The following EDIL3 variants were observed in gnomAD, a reference collection of about 807,000 sequenced individuals.
EDIL3 encodes the protein EGF-like repeat and discoidin I-like domain-containing protein 3.
In EDIL3, 37 loss-of-function variants were observed where a neutral mutation model predicts 67.4. The ratio of observed to expected loss-of-function variants is 0.55; its 90% CI spans 0.42 to 0.72. EDIL3 has a LOEUF of 0.72. EDIL3 is among the 30% of genes least tolerant of loss of function. EDIL3 has a pLI of 0.00. For missense variants in EDIL3, 527 were observed against 586.3 expected, an observed-to-expected ratio of 0.90 and a Z score of 1.04; for synonymous variants, 195 against 196.3, an observed-to-expected ratio of 0.99 and a Z score of 0.05.
intron 4 of EDIL3, among the ~76,000 whole-genome samples, chr5:84,164,872 C>T (rs553243320): frequency 1.3e-5 from 2 of 152,136 alleles, no homozygotes; most frequent in South Asian, 2.1e-4. Flanking sequence ...AGGGACTTTC[C>T]TGCCTGAGGA....
intron 3 of EDIL3, among the ~76,000 whole-genome samples, chr5:84,191,728 A>T (rs114334900): frequency 0.011 from 1,685 of 151,560 alleles, 27 homozygotes; most frequent in African/African-American, 0.033. Context: ...TATTTTTTTT[A>T]AAAAAAAGGA....
chr5:84,247,369 T>C (rs1225213749), intron 2 of EDIL3, among the ~76,000 whole-genome samples: 2 of 152,154 alleles, frequency 1.3e-5, no homozygotes, highest in Non-Finnish European at 2.9e-5. Context: ...CTTTCTGATA[T>C]TTCATGAACA....
At chr5:84,182,858 T>C (rs1289115015) in intron 3 of EDIL3, among the ~76,000 whole-genome samples, 1 of 152,160 alleles carries the variant, frequency 6.6e-6, no homozygotes, top group Non-Finnish European at 1.5e-5. Flanking sequence ...TATATTTATT[T>C]AAGTAGACAG....
Position 84,018,879 on chromosome 5 carries a change from A to C in EDIL3, c.1137+41421T>G, listed in dbSNP as rs372527635. Reference sequence around the variant, plus strand: ...CACACCAGTTAGAATGGCGATCATTAAAAAGTCAGGAAACAACAGGTGCTG... The same window carrying C: ...CACACCAGTTAGAATGGCGATCATTCAAAAGTCAGGAAACAACAGGTGCTG... On this transcript the variant is annotated intron_variant, in intron 9 of 10. Transcript: ENST00000296591. 2.1e-3 allele frequency among the ~76,000 whole-genome samples: 326 copies of C among 152,274 alleles called. 1 individual carries two copies. The highest frequency in any genetic ancestry group is 7.5e-3 in the African/African-American group (313 of 41,566).
At chr5:84,237,608 G>C (rs986695115) in intron 2 of EDIL3, among the ~76,000 whole-genome samples, 4 of 152,020 alleles carry the variant, frequency 2.6e-5, no homozygotes, top group African/African-American at 9.7e-5. Flanking sequence ...TGAATAATCA[G>C]ATTTCATTTG....
chr5:84,257,009 CA>C (rs988526524), intron 1 of EDIL3, among the ~76,000 whole-genome samples: 3 of 152,172 alleles, frequency 2.0e-5, no homozygotes, highest in African/African-American at 7.2e-5. Context: ...CTCATATTTA[CA>C]TATTTACCTA....
At chr5:84,177,722 T>G (rs1457172433) in intron 4 of EDIL3, among the ~76,000 whole-genome samples, 1 of 152,112 alleles carries the variant, frequency 6.6e-6, no homozygotes, top group East Asian at 1.9e-4. Flanking sequence ...AACCTAAAAC[T>G]GCTGTAAAAA....
chr5:84,083,252 T>C (rs1455601392), intron 6 of EDIL3, among the ~76,000 whole-genome samples: 2 of 152,158 alleles, frequency 1.3e-5, no homozygotes, highest in African/African-American at 2.4e-5. Context: ...GATTTGGGAC[T>C]GGACTTACTG....
intron 4 of EDIL3, among the ~76,000 whole-genome samples, chr5:84,173,526 G>A (rs556934740): frequency 2.6e-5 from 4 of 152,170 alleles, no homozygotes; most frequent in South Asian, 2.1e-4. Flanking sequence ...AATATGGGAC[G>A]ACCCCACTGT....
At chr5:84,230,592 A>C (rs758950053) in intron 2 of EDIL3, among the ~76,000 whole-genome samples, 1 of 152,084 alleles carries the variant, frequency 6.6e-6, no homozygotes, top group Non-Finnish European at 1.5e-5. Flanking sequence ...CTTTTAGTAG[A>C]GATGGAGTTT....
chr5:84,198,034 C>T (rs1019329476), intron 3 of EDIL3, among the ~76,000 whole-genome samples: 2 of 151,910 alleles, frequency 1.3e-5, no homozygotes, highest in African/African-American at 4.8e-5. Context: ...GAGGTAGAAA[C>T]ATTTTAAATA....
At chr5:84,049,381 T>C (rs1414898320) in intron 9 of EDIL3, among the ~76,000 whole-genome samples, 3 of 152,222 alleles carry the variant, frequency 2.0e-5, no homozygotes, top group East Asian at 1.9e-4. Flanking sequence ...AGAAGGGATC[T>C]ATCCAATACT....
chr5:84,249,478 T>C (rs1191647297), intron 2 of EDIL3, among the ~76,000 whole-genome samples: 1 of 149,720 alleles, frequency 6.7e-6, no homozygotes, highest in African/African-American at 2.5e-5. Flanking sequence ...TGTCTGTATG[T>C]ATGTCTGTCT....
chr5:83,947,046 C>G lies in EDIL3; in HGVS notation c.1294-3478G>C, dbSNP rs534430606. Among the ~76,000 whole-genome samples, 4 of 151,838 alleles carry G rather than the reference C, an allele frequency of 2.6e-5. No homozygotes were observed. The South Asian group carries it at 8.3e-4, about 32-fold the overall frequency. On this transcript the variant is annotated intron_variant, in intron 10 of 10. Transcript: ENST00000296591. The stretch of plus-strand genomic sequence containing the variant: ...AGCATTTTACATCAGTATTAAACAC[C>G]AGTATTTTATTAAGATTTCAAGTGA...
chr5:84,359,487 A>G (rs1202838505), intron 1 of EDIL3, among the ~76,000 whole-genome samples: 1 of 152,244 alleles, frequency 6.6e-6, no homozygotes, highest in Non-Finnish European at 1.5e-5. Context: ...TGGTTCATGC[A>G]TGATTGCAAT....
At chr5:84,084,926 A>C (rs1561426416) in intron 6 of EDIL3, among the ~76,000 whole-genome samples, 1 of 152,226 alleles carries the variant, frequency 6.6e-6, no homozygotes, top group African/African-American at 2.4e-5. Flanking sequence ...TTTTTTAAAA[A>C]ATCTACAGTT....
chr5:84,151,262 CAT>C (rs1258273486), intron 4 of EDIL3, among the ~76,000 whole-genome samples: 7 of 144,968 alleles, frequency 4.8e-5, no homozygotes, highest in African/African-American at 1.7e-4. Context: ...CACACACGCA[CAT>C]ACACACACAC....
chr5:84,161,748 T>G lies in EDIL3; in HGVS notation c.355+18645A>C, dbSNP rs114391919. ...TTAGGCCTACCTGGGAAAATTGCAG[T>G]GGAGAAGTGGGACCTCACCTAAAAT... On this transcript the variant is annotated intron_variant, in intron 4 of 10. Transcript: ENST00000296591. Among the ~76,000 whole-genome samples the G allele has an allele frequency of 7.3e-3, 1,109 of 152,168 alleles. 14 individuals carry two copies. Among genetic ancestry groups the G allele is most frequent in the African/African-American group, 0.021 (881 of 41,520 alleles).
intron 10 of EDIL3, among the ~76,000 whole-genome samples, chr5:83,949,550 T>G (rs1479100722): frequency 6.6e-6 from 1 of 151,884 alleles, no homozygotes; most frequent in Admixed American, 6.6e-5. Context: ...TCTTGTCTTC[T>G]TTGCAAGAAA....
Sources: allele counts gnomAD v4.1 joint callset (sites outside exome capture counted in the v4.1 genomes callset), GRCh38; gene constraint gnomAD v4.1.1; transcripts MANE v1.5; gene names NCBI Gene and HGNC (gene_info 2026-07-23, HGNC 2026-07-21).